Variants in ZNF316 observed in about 807,000 individuals in gnomAD.
ZNF316 encodes zinc finger protein 316.
A neutral mutation model predicts 75.6 loss-of-function variants in ZNF316; 23 were observed. That is an observed-to-expected ratio of 0.30 (90% CI 0.22 to 0.43). The LOEUF (loss-of-function observed/expected upper bound fraction) is 0.43, where lower values mean the gene tolerates loss of function less well. ZNF316 is among the 20% of genes least tolerant of loss of function. ZNF316 has a pLI of 1.00. For missense variants in ZNF316, 1,266 were observed against 1,409.4 expected, an observed-to-expected ratio of 0.90 and a Z score of 1.63; for synonymous variants, 827 against 666.2, an observed-to-expected ratio of 1.24 and a Z score of -3.72.
Position 6,642,878 on chromosome 7 carries a change from G to A in ZNF316, c.356-86G>A, listed in dbSNP as rs933495387. On this transcript the variant is annotated intron_variant, in intron 5 of 8. Transcript: ENST00000382252. This position sits in a 1 kb window ranked among gnomAD's most constrained non-coding sequence, Gnocchi z 8.1. ...GCCGACAGGGTGGAGCTGAAACCCAGCTTTGCAATGAGGGTGTTGCCAGGG... is the reference window on the plus strand; with the variant it reads ...GCCGACAGGGTGGAGCTGAAACCCAACTTTGCAATGAGGGTGTTGCCAGGG... 8.1e-7 allele frequency: 1 copy of A among 1,232,228 alleles called. No individual in the cohort carries two copies. Among genetic ancestry groups the A allele is most frequent in the Non-Finnish European group, 1.0e-6 (1 of 988,072 alleles). 76.3% of individuals were successfully genotyped at this position (1,232,228 alleles called of 1,614,324 possible).
intron 8 of ZNF316, among the ~76,000 whole-genome samples, chr7:6,649,697 A>G (rs1419990355): frequency 6.6e-6 from 1 of 151,906 alleles, no homozygotes; most frequent in Non-Finnish European, 1.5e-5. Context: ...CTCCCCAGGG[A>G]CTTGGATGTC....
At position 6,656,788 on chromosome 7, in the gene ZNF316, A is replaced by T. The variant is rs1187336115; in HGVS notation, c.*2177A>T. ...AACACATCCCCAGCCCTTTCTTCAG[A>T]GGCCCCAGCACCATGTGGCTCATCC... On this transcript the variant is annotated 3_prime_UTR_variant, in exon 9 of 9. Transcript: ENST00000382252. 6.6e-6 allele frequency among the ~76,000 whole-genome samples: 1 copy of T among 152,108 alleles called. No individual in the cohort carries two copies. The highest frequency in any genetic ancestry group is 1.5e-5 in the Non-Finnish European group (1 of 68,020).
intron 8 of ZNF316, 76 bp downstream of exon 8, chr7:6,644,669 C>T (rs1459330390): frequency 6.5e-6 from 5 of 774,936 alleles, no homozygotes; most frequent in Non-Finnish European, 8.7e-6. Context: ...CTTCACTGCG[C>T]TCTCTGCAGA....
At position 6,652,778 on chromosome 7, in the gene ZNF316, G is replaced by A. The variant is rs1022770828; in HGVS notation, c.1182G>A (p.Thr394=). 5.5e-6 allele frequency: 7 copies of A among 1,272,642 alleles called. No homozygotes were observed. The highest frequency in any genetic ancestry group is 6.9e-6 in the Non-Finnish European group (7 of 1,008,774). 78.8% of individuals were successfully genotyped at this position (1,272,642 alleles called of 1,614,324 possible). The part of the protein sequence containing the change: ...YRSHLAIHQR[T]HTGEKPFPCP... ...CGCACTTGGCCATCCACCAGCGCAC[G>A]CACACCGGCGAGAAGCCCTTCCCGT... Residue 394 remains threonine (T), a synonymous_variant, in exon 9 of 9, where the codon ACG becomes ACA. Transcript: ENST00000382252.
At chr7:6,647,181 C>T (rs1374569018) in intron 8 of ZNF316, among the ~76,000 whole-genome samples, 1 of 152,206 alleles carries the variant, frequency 6.6e-6, no homozygotes, top group African/African-American at 2.4e-5. Context: ...CCCCCTCAGC[C>T]ACTGCAGACT....
Position 6,654,845 on chromosome 7 carries a change from CG to C in ZNF316, c.*235del. The C allele has an allele frequency of 3.4e-6, 1 of 294,726 alleles. No individual in the cohort carries two copies. Among genetic ancestry groups the C allele is most frequent in the Non-Finnish European group, 6.1e-6 (1 of 164,248 alleles). 18.3% of individuals were successfully genotyped at this position (294,726 alleles called of 1,614,324 possible). A position where few individuals can be genotyped will look rare whatever the true frequency, so the allele number is the denominator to read the frequency against. ...CAGCGCGGAGGCAGCGAGGCCAGGA[CG>C]TCACCCCCACGGAGACTGCGATATC... On this transcript the variant is annotated 3_prime_UTR_variant, in exon 9 of 9. Transcript: ENST00000382252.
chr7:6,652,159 G>T, intron 8 of ZNF316, 144 bp from the exon 9 acceptor site: 1 of 742,584 alleles, frequency 1.3e-6, no homozygotes, highest in Non-Finnish European at 1.8e-6. Context: ...CCGCTCACTT[G>T]GTGAAAGGAG....
In ZNF316 at chr7:6,639,857, A is replaced by G. The variant is rs1275495503; in HGVS notation, c.-167+716A>G. Among the ~76,000 whole-genome samples, 1 of 152,192 alleles carries G rather than the reference A, an allele frequency of 6.6e-6. No individual in the cohort carries two copies. Among genetic ancestry groups the G allele is most frequent in the Non-Finnish European group, 1.5e-5 (1 of 68,032 alleles). On this transcript the variant is annotated intron_variant, in intron 3 of 8. Transcript: ENST00000382252. This position sits in a 1 kb window ranked among gnomAD's most constrained non-coding sequence, Gnocchi z 4.2. ...TGTCCTCCTGGAGGTGGCTAGCATA[A>G]CACGCAGCACGTGGATTTCGACACT...
Position 6,642,712 on chromosome 7 carries a change from G to C in ZNF316, c.303G>C (p.Gln101His). Residue 101 changes from glutamine (Q) to histidine (H), a missense_variant, in exon 5 of 9, where the codon CAG becomes CAC. By Grantham distance (24) the Gln-to-His change is conservative. This residue lies in a region of ZNF316 where 961 missense variants were observed against 990.9 expected (regional missense o/e 0.97). Transcript: ENST00000382252. The surrounding 1 kb of genome is among the most constrained non-coding windows in gnomAD (Gnocchi z 8.1). ...AEEECPALGT[Q>H]ERLSRGGDAK... is the part of the protein sequence containing the mutation. ...AGGAGTGTCCGGCGTTGGGGACCCA[G>C]GAGCGACTTAGCCGTGGTGGTGATG... The C allele has an allele frequency of 8.1e-7, 1 of 1,234,220 alleles. No homozygotes were observed. The highest frequency in any genetic ancestry group is 1.0e-6 in the Non-Finnish European group (1 of 989,298). The allele number at this position is 1,234,220 out of a possible 1,614,324, so 76.5% of individuals were successfully genotyped here.
At position 6,653,159 on chromosome 7, in the gene ZNF316, C is replaced by T. The variant is rs1779543799; in HGVS notation, c.1563C>T (p.Pro521=). 1 of 1,190,152 alleles carries T rather than the reference C, an allele frequency of 8.4e-7. No individual in the cohort carries two copies. Among genetic ancestry groups the T allele is most frequent in the Non-Finnish European group, 1.0e-6 (1 of 961,578 alleles). The allele number at this position is 1,190,152 out of a possible 1,614,324, so 73.7% of individuals were successfully genotyped here. A position where few individuals can be genotyped will look rare whatever the true frequency, so the allele number is the denominator to read the frequency against. Reference sequence around the variant, plus strand: ...GTGGTGACGGCCCCCGGCGGGAGCCCGGCGAGACGGCGGCCGCCGCGGGGC... The same window carrying T: ...GTGGTGACGGCCCCCGGCGGGAGCCTGGCGAGACGGCGGCCGCCGCGGGGC... ...EAGGDGPRRE[P]GETAAAAGPE... The change falls in exon 9 of 9, where the codon CCC becomes CCT. Residue 521 remains proline, a synonymous_variant. Transcript: ENST00000382252.
At position 6,653,495 on chromosome 7, in the gene ZNF316, G is replaced by T; in HGVS notation, c.1899G>T (p.Pro633=). The T allele has an allele frequency of 1.6e-6, 2 of 1,221,714 alleles. No homozygotes were observed. Among genetic ancestry groups the T allele is most frequent in the East Asian group, 6.4e-5 (2 of 31,184 alleles). 75.7% of individuals were successfully genotyped at this position (1,221,714 alleles called of 1,614,324 possible). A position where few individuals can be genotyped will look rare whatever the true frequency, so the allele number is the denominator to read the frequency against. The change falls in exon 9 of 9, where the codon CCG becomes CCT. Residue 633 remains proline, a synonymous_variant. Transcript: ENST00000382252. ...TGCCGGTCGACGGGCGCCCGCTCCC[G>T]GCGCCCCTGGGGGGCCCGCTCTCCC... ...ERLPVDGRPL[P]APLGGPLSLV...
At position 6,639,324 on chromosome 7, in the gene ZNF316, G is replaced by A. The variant is rs750588770; in HGVS notation, c.-167+183G>A. Among the ~76,000 whole-genome samples, 28 of 152,284 alleles carry A rather than the reference G, an allele frequency of 1.8e-4. No homozygotes were observed. The highest frequency in any genetic ancestry group is 1.2e-3 in the Admixed American group (18 of 15,298). ...TGCTTCTTAAGTGCTGGTGTGAGGG[G>A]TATTCAGACATGAGCAAAGGGAGCT... On this transcript the variant is annotated intron_variant, in intron 3 of 8. Transcript: ENST00000382252. This position sits in a 1 kb window ranked among gnomAD's most constrained non-coding sequence, Gnocchi z 4.2.
chr7:6,647,121 G>A (rs542823021), intron 8 of ZNF316, among the ~76,000 whole-genome samples: 96 of 152,354 alleles, frequency 6.3e-4, no homozygotes, highest in African/African-American at 1.9e-3. Flanking sequence ...CATTGGCCTG[G>A]CGGGCCAGCC....
In ZNF316 at chr7:6,653,071, A is replaced by T; in HGVS notation, c.1475A>T (p.Gln492Leu). Residue 492 changes from glutamine (Q) to leucine (L), a missense_variant, in exon 9 of 9, where the codon CAG becomes CTG. Transcript: ENST00000382252. Reference sequence around the variant, plus strand: ...CCGCACTGCTGTCCCGACTGCGGCCAGGCCTTCCGCCTGCGCGCCGACTTC... The same window carrying T: ...CCGCACTGCTGTCCCGACTGCGGCCTGGCCTTCCGCCTGCGCGCCGACTTC... ...DRPHCCPDCG[Q>L]AFRLRADFQR... is the part of the protein sequence containing the mutation. The T allele has an allele frequency of 2.5e-6, 3 of 1,208,170 alleles. No individual in the cohort carries two copies. The highest frequency in any genetic ancestry group is 3.1e-6 in the Non-Finnish European group (3 of 973,362). The allele number at this position is 1,208,170 out of a possible 1,614,324, so 74.8% of individuals were successfully genotyped here.
chr7:6,638,916 G>C (rs1232343912), intron 2 of ZNF316, 126 bp from the exon 3 acceptor site: 1 of 152,452 alleles, frequency 6.6e-6, no homozygotes, highest in East Asian at 1.9e-4. Context: ...GGGGGAGGCA[G>C]AGATAACCCA....
rs545209054 is a variant in ZNF316, at chr7:6,654,673, GC to G, written c.*68del. The stretch of plus-strand genomic sequence containing the variant: ...CACCGGCCCCTCCCTTGGACGGCCG[GC>G]CCCCCGCTCCTCGGGCCCCGGGAGG... On this transcript the variant is annotated 3_prime_UTR_variant, in exon 9 of 9. Transcript: ENST00000382252. 41 of 1,141,756 alleles carry G rather than the reference GC, an allele frequency of 3.6e-5. No homozygotes were observed. In the African/African-American group the frequency reaches 5.9e-4, roughly 16 times the overall value. The allele number at this position is 1,141,756 out of a possible 1,614,324, so 70.7% of individuals were successfully genotyped here.
chr7:6,650,773 G>A (rs911225861), intron 8 of ZNF316, among the ~76,000 whole-genome samples: 1 of 152,120 alleles, frequency 6.6e-6, no homozygotes, highest in Non-Finnish European at 1.5e-5. Flanking sequence ...TGAGACTGTC[G>A]GGCAGACACC....
intron 8 of ZNF316, among the ~76,000 whole-genome samples, chr7:6,649,001 G>C (rs1375865816): frequency 6.6e-6 from 1 of 152,124 alleles, no homozygotes; most frequent in Non-Finnish European, 1.5e-5. Context: ...TCATTCCCTT[G>C]CACCCAGCCT....
In ZNF316 at chr7:6,643,025, G is replaced by A. The variant is rs529681110; in HGVS notation, c.417G>A (p.Glu139=). 26 of 1,239,376 alleles carry A rather than the reference G, an allele frequency of 2.1e-5. No individual in the cohort carries two copies. The highest frequency in any genetic ancestry group is 4.2e-5 in the Admixed American group (1 of 24,010). The allele number at this position is 1,239,376 out of a possible 1,614,324, so 76.8% of individuals were successfully genotyped here. ...ATGAGGACCTGGAGGAGGAGGAAGAGGAGGAGGAGGATGAGGACGAGGATG... is the reference window on the plus strand; with the variant it reads ...ATGAGGACCTGGAGGAGGAGGAAGAAGAGGAGGAGGATGAGGACGAGGATG... The part of the protein sequence containing the change: ...PRDEDLEEEE[E]EEEDEDEDDL... The change falls in exon 6 of 9, where the codon GAG becomes GAA. Residue 139 remains glutamate (E), a synonymous_variant. Transcript: ENST00000382252.
Sources: allele counts gnomAD v4.1 joint callset (sites outside exome capture counted in the v4.1 genomes callset), GRCh38; gene constraint gnomAD v4.1.1; regional missense constraint gnomAD v4.1.1; non-coding constraint Gnocchi (gnomAD v3.1); transcripts MANE v1.5; gene names NCBI Gene and HGNC (gene_info 2026-07-23, HGNC 2026-07-21).